CRAMP1: variants seen among roughly 807,000 people sequenced by gnomAD.
The protein encoded by CRAMP1 is protein cramped-like.
A neutral mutation model predicts 115.4 loss-of-function variants in CRAMP1; 50 were observed. That is an observed-to-expected ratio of 0.43 (90% CI 0.35 to 0.55). The LOEUF is 0.55. Ranked by LOEUF, CRAMP1 falls within the 20% of genes least tolerant of loss-of-function variation. The pLI, the probability that CRAMP1 is intolerant of heterozygous loss-of-function variation, is 0.01. For missense variants in CRAMP1, 1,679 were observed against 1,721.7 expected (o/e 0.98, Z 0.44); for synonymous variants, 866 against 745.4 (o/e 1.16, Z -2.64).
At chr16:1,646,548 T>C (rs1370177354) in intron 6 of CRAMP1, among the ~76,000 whole-genome samples, 1 of 152,228 alleles carries the variant, frequency 6.6e-6, no homozygotes, top group African/African-American at 2.4e-5. Flanking sequence ...GAATTCTTTG[T>C]ATATTGTAGA....
chr16:1,668,258 G>A, intron 18 of CRAMP1, 65 bp downstream of exon 18: 1 of 1,177,908 alleles, frequency 8.5e-7, no homozygotes, highest in Non-Finnish European at 1.3e-6. Context: ...CCCAATGTTT[G>A]CCACACTTCC....
Position 1,666,743 on chromosome 16 carries a change from C to T in CRAMP1, c.3036+143C>T. 1 of 756,790 alleles carries T rather than the reference C, an allele frequency of 1.3e-6. No homozygotes were observed. The highest frequency in any genetic ancestry group is 2.2e-6 in the Non-Finnish European group (1 of 462,038). The allele number at this position is 756,790 out of a possible 1,614,324, so 46.9% of individuals were successfully genotyped here. On this transcript the variant is annotated intron_variant, in intron 16 of 20. Transcript: ENST00000397412. The surrounding 1 kb of genome is among the most constrained non-coding windows in gnomAD (Gnocchi z 5.0). ...CCAGGGGTGCCATGGCATAAGCAAA[C>T]TCTGTGTAGTACAGAGCAGGAGAGG...
chr16:1,670,668 C>G lies in CRAMP1; in HGVS notation c.3504C>G (p.Ser1168Arg). The change falls in exon 20 of 21, where the codon AGC becomes AGG. Residue 1168 changes from serine (S) to arginine (R), a missense_variant. Ser to Arg is a moderately radical substitution (Grantham distance 110). Around this residue, in one of 8 missense-constraint regions of CRAMP1, gnomAD observed 709 missense variants for 741.9 expected, o/e 0.96. Transcript: ENST00000397412. ...TDSSLSSLFA[S>R]FISPEKSRKM... ...CCTCTGGCCTTTTCTCCGCAGCAAG[C>G]TTCATCTCCCCAGAGAAGAGCCGGA... 5 of 1,613,974 alleles carry G rather than the reference C, an allele frequency of 3.1e-6. No individual in the cohort carries two copies. Among genetic ancestry groups the G allele is most frequent in the Non-Finnish European group, 4.2e-6 (5 of 1,179,860 alleles).
intron 2 of CRAMP1, among the ~76,000 whole-genome samples, chr16:1,618,158 G>A: frequency 6.6e-6 from 1 of 152,212 alleles, no homozygotes; most frequent in Non-Finnish European, 1.5e-5. Flanking sequence ...GGGCAAACTA[G>A]TCCATCTTTT....
rs372813368 is a variant in CRAMP1 at position 1,675,008 on chromosome 16, G to A, written c.*963G>A. ...CCTTTGCAGGGAAAGTGTCTCTCAC[G>A]GGCATTGGTGTGGGCGTGCCTGACA... On this transcript the variant is annotated 3_prime_UTR_variant, in exon 21 of 21. Transcript: ENST00000397412. The A allele has an allele frequency of 6.6e-6, 1 of 152,214 alleles. No homozygotes were observed. The highest frequency in any genetic ancestry group is 1.5e-5 in the Non-Finnish European group (1 of 68,038). The allele number at this position is 152,214 out of a possible 1,614,324, so 9.4% of individuals were successfully genotyped here. A position where few individuals can be genotyped will look rare whatever the true frequency, so the allele number is the denominator to read the frequency against.
chr16:1,668,835 C>T (rs2036897853), intron 18 of CRAMP1, among the ~76,000 whole-genome samples, 166 bp from the exon 19 acceptor site: 1 of 152,196 alleles, frequency 6.6e-6, no homozygotes, highest in Non-Finnish European at 1.5e-5. Context: ...CCCTGCAGAG[C>T]TGTTCTGCGG....
chr16:1,619,712 G>A (rs111459429), intron 2 of CRAMP1, among the ~76,000 whole-genome samples: 171 of 152,276 alleles, frequency 1.1e-3, no homozygotes, highest in African/African-American at 4.0e-3. Flanking sequence ...GAGAGACAGC[G>A]CTGGTCAGAG....
At chr16:1,640,656 G>T (rs954155030) in intron 5 of CRAMP1, among the ~76,000 whole-genome samples, 6 of 152,184 alleles carry the variant, frequency 3.9e-5, no homozygotes, top group African/African-American at 1.4e-4. Context: ...AGAGGGTGTC[G>T]GAGTCTTCAT....
intron 9 of CRAMP1, 51 bp from the exon 10 acceptor site, chr16:1,655,826 C>T (rs374236183): frequency 1.3e-6 from 2 of 1,559,312 alleles, no homozygotes; most frequent in African/African-American, 2.7e-5. Context: ...GCCTGGTCAG[C>T]ATCCCGACCT....
At position 1,614,988 on chromosome 16, in the gene CRAMP1, A is replaced by G; in HGVS notation, c.346+3A>G. On this transcript the variant is annotated splice_donor_region_variant and intron_variant, in intron 2 of 20. Transcript: ENST00000397412. The surrounding 1 kb of genome is among the most constrained non-coding windows in gnomAD (Gnocchi z 4.4). ...TGGCTCGGGGCCCCGCGGAAAAGGT[A>G]GGGCGGCCCGTCCCCTTGGGAGACC... 8.0e-7 allele frequency: 1 copy of G among 1,249,460 alleles called. No individual in the cohort carries two copies. Among genetic ancestry groups the G allele is most frequent in the Non-Finnish European group, 1.0e-6 (1 of 995,856 alleles). 77.4% of individuals were successfully genotyped at this position (1,249,460 alleles called of 1,614,324 possible).
In CRAMP1 at chr16:1,641,235, G is replaced by T; in HGVS notation, c.827+48G>T. 2.2e-6 allele frequency: 3 copies of T among 1,365,746 alleles called. No individual in the cohort carries two copies. The Middle Eastern group carries it at 5.4e-4, about 245-fold the overall frequency. The allele number at this position is 1,365,746 out of a possible 1,614,324, so 84.6% of individuals were successfully genotyped here. On this transcript the variant is annotated intron_variant, in intron 6 of 20. Coordinates refer to ENST00000397412, the MANE Select transcript of CRAMP1 (RefSeq NM_020825.4). ...AACATCACTTCTCTGGGTGTTTTGT[G>T]TTTATTCTCTAAAATACAGAAGCTG...
At chr16:1,637,117 A>G (rs570211060) in intron 4 of CRAMP1, among the ~76,000 whole-genome samples, 6 of 152,100 alleles carry the variant, frequency 3.9e-5, no homozygotes, top group African/African-American at 1.4e-4. Flanking sequence ...ACATGGTGAA[A>G]CCCTGTCTCT....
chr16:1,664,921 C>T (rs2036860905), intron 13 of CRAMP1, 136 bp from the exon 14 acceptor site: 4 of 673,156 alleles, frequency 5.9e-6, no homozygotes, highest in Non-Finnish European at 1.1e-5. Context: ...CCCAGGTACC[C>T]TGTGTCATCG....
intron 2 of CRAMP1, 74 bp downstream of exon 2, chr16:1,615,059 C>T (rs1257121276): frequency 3.2e-6 from 3 of 936,900 alleles, no homozygotes; most frequent in African/African-American, 1.7e-5. Context: ...AACCCCTCGC[C>T]CCAGCCGGGC....
chr16:1,634,155 G>A (rs1003514845), intron 4 of CRAMP1, among the ~76,000 whole-genome samples: 1 of 152,198 alleles, frequency 6.6e-6, no homozygotes, highest in Non-Finnish European at 1.5e-5. Flanking sequence ...TTTAGTAGAT[G>A]AGGTATAGAG....
At chr16:1,670,534 A>G in intron 19 of CRAMP1, 130 bp from the exon 20 acceptor site, 1 of 956,358 alleles carries the variant, frequency 1.0e-6, no homozygotes. Flanking sequence ...AGCTCTTCGC[A>G]CAAGTCTGGA....
At chr16:1,639,011 C>T (rs898451483) in intron 5 of CRAMP1, among the ~76,000 whole-genome samples, 5 of 152,074 alleles carry the variant, frequency 3.3e-5, no homozygotes, top group Non-Finnish European at 7.4e-5. Context: ...CTCTTCATGC[C>T]TGTTCCTGCC....
intron 2 of CRAMP1, chr16:1,625,719 A>G (rs1405560640): frequency 4.9e-6 from 2 of 410,312 alleles, no homozygotes; most frequent in Admixed American, 4.2e-5. Context: ...GTGCTGTTAC[A>G]TGGTTCCACA....
chr16:1,646,973 G>A (rs1179513416), intron 6 of CRAMP1: 8 of 700,916 alleles, frequency 1.1e-5, no homozygotes, highest in Admixed American at 2.0e-5. Flanking sequence ...GTTCCATTCT[G>A]GACCTTCTGT....
Sources: allele counts gnomAD v4.1 joint callset (sites outside exome capture counted in the v4.1 genomes callset), GRCh38; gene constraint gnomAD v4.1.1; regional missense constraint gnomAD v4.1.1; non-coding constraint Gnocchi (gnomAD v3.1); transcripts MANE v1.5; gene names NCBI Gene and HGNC (gene_info 2026-07-23, HGNC 2026-07-21).